The following RBSN variants were observed in gnomAD, a reference collection of about 807,000 sequenced individuals.
RBSN encodes rabenosyn-5.
In RBSN, 34 loss-of-function variants were observed where a neutral mutation model predicts 60.5. The observed-to-expected ratio is 0.56, with a 90% CI of 0.43 to 0.75. RBSN has a LOEUF of 0.75. RBSN is among the 30% of genes least tolerant of loss of function. RBSN has a pLI of 0.00. For missense variants in RBSN, 845 were observed against 986.8 expected (o/e 0.86, Z 1.92); for synonymous variants, 322 against 366.9 (o/e 0.88, Z 1.40).
At position 15,074,659 on chromosome 3, in the gene RBSN, T is replaced by A; in HGVS notation, c.1478A>T (p.Gln493Leu). 1 of 1,614,274 alleles carries A rather than the reference T, an allele frequency of 6.2e-7. No homozygotes were observed. Among genetic ancestry groups the A allele is most frequent in the Admixed American group, 1.7e-5 (1 of 60,038 alleles). The change falls in exon 14 of 14, where the codon CAG becomes CTG. Residue 493 changes from glutamine (Q) to leucine (L), a missense_variant. Physicochemically the swap from Gln to Leu is moderately radical, Grantham distance 113. Coordinates refer to ENST00000253699, the MANE Select transcript of RBSN (RefSeq NM_022340.4). The surrounding 1 kb of genome is among the most constrained non-coding windows in gnomAD (Gnocchi z 6.4). ...RTLQENLRQL[Q>L]DEYDQQQTEK... ...TGTCTGCTGCTGGTCATACTCGTCC[T>A]GCAGCTGCCGCAGGTTCTCCTGCAG... is the stretch of plus-strand genomic sequence containing the variant.
chr3:15,083,655 A>C (rs2043262955), intron 8 of RBSN, among the ~76,000 whole-genome samples: 1 of 152,020 alleles, frequency 6.6e-6, no homozygotes, highest in Admixed American at 6.6e-5. Context: ...CTCATCTTTT[A>C]AGGCTCTTCT....
At chr3:15,091,444 G>T in intron 4 of RBSN, 1 of 1,283,120 alleles carries the variant, frequency 7.8e-7, no homozygotes, top group African/African-American at 1.5e-5. Flanking sequence ...CGCACTTATT[G>T]AATGCATGTG....
intron 10 of RBSN, among the ~76,000 whole-genome samples, chr3:15,078,521 A>G: frequency 6.6e-6 from 1 of 152,146 alleles, no homozygotes; most frequent in African/African-American, 2.4e-5. Flanking sequence ...GCAGAAAGCT[A>G]CTTGGCTTTT....
intron 9 of RBSN, among the ~76,000 whole-genome samples, chr3:15,081,776 G>A (rs1420058329): frequency 6.6e-6 from 1 of 152,140 alleles, no homozygotes. Flanking sequence ...TCAGCTCACA[G>A]GTCTCACCTG....
rs1409205105 is a variant in RBSN at position 15,071,052 on chromosome 3, G to A, written c.*2730C>T. On this transcript the variant is annotated 3_prime_UTR_variant, in exon 14 of 14. Coordinates refer to ENST00000253699, the MANE Select transcript of RBSN (RefSeq NM_022340.4). The stretch of plus-strand genomic sequence containing the variant: ...TTGGCCATGCTAGTCTCAAATTCCT[G>A]ACCTCAGGTGATCCACCCGTCTCGG... The A allele has an allele frequency of 6.6e-6, 1 of 152,198 alleles. No individual in the cohort carries two copies. Among genetic ancestry groups the A allele is most frequent in the Non-Finnish European group, 1.5e-5 (1 of 68,030 alleles). The allele number at this position is 152,198 out of a possible 1,614,324, so 9.4% of individuals were successfully genotyped here.
At chr3:15,088,402 C>T (rs2043404890) in intron 5 of RBSN, among the ~76,000 whole-genome samples, 1 of 150,026 alleles carries the variant, frequency 6.7e-6, no homozygotes, top group Non-Finnish European at 1.5e-5. Context: ...TTTTTTGAGA[C>T]AGAGTCTCGC....
Position 15,090,506 on chromosome 3 carries a change from C to T in RBSN, c.182G>A (p.Arg61Lys). 1.2e-6 allele frequency: 2 copies of T among 1,614,220 alleles called. No homozygotes were observed. Among genetic ancestry groups the T allele is most frequent in the Non-Finnish European group, 1.7e-6 (2 of 1,180,024 alleles). ...LVQKAKKAKD[R>K]LLKREGDDRA... ...ATCATCCCCTTCTCGTTTCAACAAC[C>T]TGTCCTTTGCTTTTTTAGCCTTCTG... Residue 61 changes from arginine to lysine, a missense_variant, in exon 5 of 14, where the codon AGG (arginine) becomes AAG (lysine). Transcript: ENST00000253699.
chr3:15,078,776 ATACAT>A (rs1168797975), intron 10 of RBSN, among the ~76,000 whole-genome samples: 208 of 56,248 alleles, frequency 3.7e-3, no homozygotes, highest in Non-Finnish European at 4.7e-3. Context: ...AAAAAAAAAA[ATACAT>A]ATATATATAT....
chr3:15,090,315 T>G, intron 5 of RBSN, 84 bp downstream of exon 5: 1 of 1,483,424 alleles, frequency 6.7e-7, no homozygotes, highest in Non-Finnish European at 9.2e-7. Context: ...TACTGATGCC[T>G]CCTCAGCCAA....
At chr3:15,078,779 CATATATAT>C (rs57572763) in intron 10 of RBSN, among the ~76,000 whole-genome samples, 1,553 of 50,436 alleles carry the variant, frequency 0.031, 58 homozygotes, top group East Asian at 0.088. Flanking sequence ...AAAAAAAATA[CATATATAT>C]ATATATATAT....
At position 15,077,114 on chromosome 3, in the gene RBSN, C is replaced by CT. The variant is rs778707697; in HGVS notation, c.1048dup (p.Ser350LysfsTer34). The CT allele has an allele frequency of 6.2e-7, 1 of 1,614,090 alleles. No individual in the cohort carries two copies. The highest frequency in any genetic ancestry group is 1.1e-5 in the South Asian group (1 of 91,076). On this transcript the variant is annotated frameshift_variant, in exon 12 of 14. Coordinates refer to ENST00000253699, the MANE Select transcript of RBSN (RefSeq NM_022340.4). LOFTEE classifies it high-confidence loss of function. This position sits in a 1 kb window ranked among gnomAD's most constrained non-coding sequence, Gnocchi z 4.4. ...GATCATTCTCTGCAGCCGCAAATTG[C>CT]TTGGATGTGGTGGAGGGTCCTGGTT...
chr3:15,074,702 T>G lies in RBSN; in HGVS notation c.1435A>C (p.Met479Leu). 1 of 1,614,238 alleles carries G rather than the reference T, an allele frequency of 6.2e-7. No homozygotes were observed. Among genetic ancestry groups the G allele is most frequent in the Non-Finnish European group, 8.5e-7 (1 of 1,180,042 alleles). The stretch of plus-strand genomic sequence containing the variant: ...TCCTGCAGAGTGCGCACTTCATCCA[T>G]GCGGCCCGCGGCCTTGGCCTGCCTG... ...FIRQAKAAGR[M>L]DEVRTLQENL... is the part of the protein sequence containing the mutation. Residue 479 changes from methionine to leucine, a missense_variant, in exon 14 of 14, where the codon ATG becomes CTG. By Grantham distance (15) the Met-to-Leu change is conservative. Coordinates refer to ENST00000253699, the MANE Select transcript of RBSN (RefSeq NM_022340.4). The surrounding 1 kb of genome is among the most constrained non-coding windows in gnomAD (Gnocchi z 6.4).
rs111430875 is a variant in RBSN, at chr3:15,079,971, A to G, written c.911+761T>C. Among the ~76,000 whole-genome samples the G allele has an allele frequency of 5.0e-3, 769 of 152,360 alleles. 5 individuals carry two copies. Among genetic ancestry groups the G allele is most frequent in the Non-Finnish European group, 8.3e-3 (565 of 68,032 alleles). ...AAAAAGAAGCAGATGTTGGCCAGACACGGTGGCTCACGCCTGTAATCCCAG... is the reference window on the plus strand; with the variant it reads ...AAAAAGAAGCAGATGTTGGCCAGACGCGGTGGCTCACGCCTGTAATCCCAG... On this transcript the variant is annotated intron_variant, in intron 10 of 13. Coordinates refer to ENST00000253699, the MANE Select transcript of RBSN (RefSeq NM_022340.4).
rs2043754692 is a variant in RBSN at position 15,099,124 on chromosome 3, C to T, written c.-590G>A. ...CCGTCCGTCACTCAGCCGCAGCCGC[C>T]ATCTCCATCGGTCGCTCGGAACTCG... On this transcript the variant is annotated 5_prime_UTR_variant, in exon 1 of 14. An upstream start codon of the reference 5' UTR is lost. Transcript: ENST00000253699. The T allele has an allele frequency of 6.6e-6, 1 of 152,320 alleles. No homozygotes were observed. Among genetic ancestry groups the T allele is most frequent in the African/African-American group, 2.4e-5 (1 of 41,464 alleles). 9.4% of individuals were successfully genotyped at this position (152,320 alleles called of 1,614,324 possible). A position where few individuals can be genotyped will look rare whatever the true frequency, so the allele number is the denominator to read the frequency against.
Position 15,073,518 on chromosome 3 carries a change from C to T in RBSN, c.*264G>A. ...GTAAAGTCCCTTCAAAAGGGGTAAA[C>T]CTCCGATTACAAAAGATAGTAATAA... On this transcript the variant is annotated 3_prime_UTR_variant, in exon 14 of 14. Transcript: ENST00000253699. 1 of 434,872 alleles carries T rather than the reference C, an allele frequency of 2.3e-6. No individual in the cohort carries two copies. Among genetic ancestry groups the T allele is most frequent in the East Asian group, 3.9e-5 (1 of 25,694 alleles). The allele number at this position is 434,872 out of a possible 1,614,324, so 26.9% of individuals were successfully genotyped here. A position where few individuals can be genotyped will look rare whatever the true frequency, so the allele number is the denominator to read the frequency against.
At position 15,073,790 on chromosome 3, in the gene RBSN, TG is replaced by T. The variant is rs1343120243; in HGVS notation, c.2346del (p.Thr783LeufsTer43). ...GCCCTCTCCACTGCTGGTCAGTCAG[TG>T]CCCCCCTTCTGCTTGGCCAGGGTGT... ...LKHTLAKQKG[G>X]TD On this transcript the variant is annotated frameshift_variant, in exon 14 of 14. Coordinates refer to ENST00000253699, the MANE Select transcript of RBSN (RefSeq NM_022340.4). LOFTEE classifies it high-confidence loss of function. 1.2e-6 allele frequency: 2 copies of T among 1,600,780 alleles called. No individual in the cohort carries two copies. The highest frequency in any genetic ancestry group is 1.7e-6 in the Non-Finnish European group (2 of 1,174,232).
At chr3:15,090,366 C>G (rs772876265) in intron 5 of RBSN, 33 bp downstream of exon 5, 19 of 1,609,892 alleles carry the variant, frequency 1.2e-5, no homozygotes, top group Non-Finnish European at 1.6e-5. Flanking sequence ...TGCTCAATAA[C>G]CACTTGCTGA....
intron 10 of RBSN, among the ~76,000 whole-genome samples, chr3:15,079,157 A>G (rs906882455): frequency 6.6e-6 from 1 of 152,180 alleles, no homozygotes; most frequent in South Asian, 2.1e-4. Context: ...CAGGCCACAC[A>G]GTCTCTGTTG....
At chr3:15,088,028 G>T (rs1458946138) in intron 5 of RBSN, among the ~76,000 whole-genome samples, 2 of 152,182 alleles carry the variant, frequency 1.3e-5, no homozygotes, top group African/African-American at 4.8e-5. Context: ...AATATTAACT[G>T]CTAAAATTTG....
Sources: gnomAD v4.1 joint callset for allele counts (sites outside exome capture counted in the v4.1 genomes callset) on GRCh38, gnomAD v4.1.1 for gene constraint, Gnocchi (gnomAD v3.1) non-coding constraint, MANE v1.5 for transcripts, NCBI Gene and HGNC (gene_info 2026-07-23, HGNC 2026-07-21) for gene names.